Variants in FAT1 observed in about 807,000 individuals in gnomAD.
The protein encoded by FAT1 is FAT atypical cadherin 1.
Under a neutral mutation model 329.8 loss-of-function variants are expected in FAT1, and 171 were observed. The ratio of observed to expected loss-of-function variants is 0.52; its 90% CI spans 0.46 to 0.59. FAT1 has a LOEUF of 0.59. Ranked by LOEUF, FAT1 falls within the 20% of genes least tolerant of loss-of-function variation. The probability of loss-of-function intolerance (pLI) is 0.00; values close to 1 mark genes in which losing one functional copy is unlikely to be tolerated. For missense variants in FAT1, 5,672 were observed against 5,774.4 expected (o/e 0.98, Z 0.57); for synonymous variants, 2,233 against 2,228.6 (o/e 1.00, Z -0.06).
In FAT1 at chr4:186,601,458, G is replaced by T. The variant is rs765166261; in HGVS notation, c.11483-32C>A. Reference sequence around the variant, plus strand: ...ATCACACAGAGGAAAAAATAAACCAGAACCAAGTTTAAGCATATTTTTTAA... The same window carrying T: ...ATCACACAGAGGAAAAAATAAACCATAACCAAGTTTAAGCATATTTTTTAA... On this transcript the variant is annotated intron_variant, in intron 20 of 26. Coordinates refer to ENST00000441802, the MANE Select transcript of FAT1 (RefSeq NM_005245.4). 1.5e-5 allele frequency: 23 copies of T among 1,584,360 alleles called. No individual in the cohort carries two copies. In the South Asian group the frequency reaches 2.6e-4, roughly 18 times the overall value.
rs781285009 is a variant in FAT1 at position 186,614,283 on chromosome 4, G to A, written c.9137C>T (p.Ser3046Phe). The change falls in exon 12 of 27, where the codon TCT becomes TTT. Residue 3046 changes from serine (S) to phenylalanine (F), a missense_variant. By Grantham distance (155) the Ser-to-Phe change is radical. Transcript: ENST00000441802. ...AGAGCGGATGTCTGCGTCTGTAGCA[G>A]AGATCTGCATGATCAATTTTCCAGG... ...VLPGKLIMQI[S>F]ATDADIRSNA... 5.6e-6 allele frequency: 9 copies of A among 1,600,014 alleles called. No individual in the cohort carries two copies. The highest frequency in any genetic ancestry group is 1.8e-5 in the Admixed American group (1 of 56,478).
At chr4:186,684,025 A>G (rs974631352) in intron 2 of FAT1, among the ~76,000 whole-genome samples, 1 of 152,194 alleles carries the variant, frequency 6.6e-6, no homozygotes, top group African/African-American at 2.4e-5. Flanking sequence ...CAGGCATTAC[A>G]TAATTCACTT....
upstream of FAT1, among the ~76,000 whole-genome samples, chr4:186,725,437 A>G (rs143458030): frequency 2.0e-5 from 3 of 152,160 alleles, no homozygotes; most frequent in East Asian, 5.8e-4. This position sits in a 1 kb window ranked among gnomAD's most constrained non-coding sequence, Gnocchi z 5.4. Context: ...ATTCCTGGAG[A>G]AGATTACCAT....
At position 186,588,075 on chromosome 4, in the gene FAT1, C is replaced by T. The variant is rs1738039267; in HGVS notation, c.*517G>A. 1 of 219,446 alleles carries T rather than the reference C, an allele frequency of 4.6e-6. No individual in the cohort carries two copies. The highest frequency in any genetic ancestry group is 9.1e-6 in the Non-Finnish European group (1 of 109,492). 13.6% of individuals were successfully genotyped at this position (219,446 alleles called of 1,614,324 possible). On this transcript the variant is annotated 3_prime_UTR_variant, in exon 27 of 27. Coordinates refer to ENST00000441802, the MANE Select transcript of FAT1 (RefSeq NM_005245.4). Reference sequence around the variant, plus strand: ...AAATGAATGACTACACTGAAATGTACTAACAAAATGTCACACTTCAGTGGA... The same window carrying T: ...AAATGAATGACTACACTGAAATGTATTAACAAAATGTCACACTTCAGTGGA...
intron 26 of FAT1, among the ~76,000 whole-genome samples, chr4:186,592,226 T>G (rs935306481): frequency 1.3e-5 from 2 of 152,216 alleles, no homozygotes; most frequent in South Asian, 4.1e-4. Context: ...ATTAAATAAT[T>G]TTCACTAAAC....
intron 11 of FAT1, among the ~76,000 whole-genome samples, chr4:186,616,494 CT>C (rs1305552143): frequency 6.6e-6 from 1 of 152,146 alleles, no homozygotes; most frequent in African/African-American, 2.4e-5. Flanking sequence ...GGGACCACCC[CT>C]GCTCGAGCCA....
intron 3 of FAT1, among the ~76,000 whole-genome samples, chr4:186,651,146 T>TTAA (rs201384756): frequency 0.39 from 57,744 of 147,898 alleles, 11,472 homozygotes; most frequent in Middle Eastern, 0.5. Flanking sequence ...AATTTATTTA[T>TTAA]TAATAATAAA....
At chr4:186,610,712 TATATAATTTATATAA>T (rs1739403369) in intron 14 of FAT1, among the ~76,000 whole-genome samples, 1 of 133,148 alleles carries the variant, frequency 7.5e-6, no homozygotes, top group Admixed American at 7.7e-5. Context: ...AATATAAATT[TATATAATTTATATAA>T]ATATAAATTT....
intron 3 of FAT1, among the ~76,000 whole-genome samples, chr4:186,646,726 GAAA>G (rs34078009): frequency 0.04 from 5,863 of 147,620 alleles, 417 homozygotes; most frequent in African/African-American, 0.14. Context: ...AACCTACATA[GAAA>G]AAAAAAAAAA....
Position 186,621,160 on chromosome 4 carries a change from T to C in FAT1, c.5426A>G (p.Tyr1809Cys), listed in dbSNP as rs375886190. The C allele has an allele frequency of 1.9e-6, 3 of 1,613,860 alleles. No homozygotes were observed. Among genetic ancestry groups the C allele is most frequent in the African/African-American group, 2.7e-5 (2 of 74,952 alleles). ...GTGTACAGATGGTTCAACAATGTGATATACAAGCAAAGCATTTGAGTCTTT... is the reference window on the plus strand; with the variant it reads ...GTGTACAGATGGTTCAACAATGTGACATACAAGCAAAGCATTTGAGTCTTT... The part of the protein sequence containing the change: ...ADKDSNALLV[Y>C]HIVEPSVHTY... The change falls in exon 10 of 27, where the codon TAT (tyrosine) becomes TGT (cysteine). Residue 1809 changes from tyrosine (Y) to cysteine (C), a missense_variant. Tyr to Cys is a radical substitution (Grantham distance 194). This residue lies in a region of FAT1 where 3,966 missense variants were observed against 3,915.2 expected (regional missense o/e 1.01). Coordinates refer to ENST00000441802, the MANE Select transcript of FAT1 (RefSeq NM_005245.4).
At chr4:186,655,519 C>G (rs1381194019) in intron 3 of FAT1, among the ~76,000 whole-genome samples, 1 of 151,758 alleles carries the variant, frequency 6.6e-6, no homozygotes, top group African/African-American at 2.4e-5. Context: ...GCTGCAACCT[C>G]TGCCTCCTGG....
Position 186,628,511 on chromosome 4 carries a change from G to A in FAT1, c.4576C>T (p.His1526Tyr), listed in dbSNP as rs2126544099. 6.2e-7 allele frequency: 1 copy of A among 1,614,056 alleles called. No homozygotes were observed. Among genetic ancestry groups the A allele is most frequent in the African/African-American group, 1.3e-5 (1 of 75,052 alleles). Residue 1526 changes from histidine to tyrosine, a missense_variant, in exon 8 of 27, where the codon CAC (histidine) becomes TAC (tyrosine). His to Tyr is a moderately conservative substitution (Grantham distance 83). Around this residue, in one of 2 missense-constraint regions of FAT1, gnomAD observed 3,966 missense variants for 3,915.2 expected, o/e 1.01. Transcript: ENST00000441802. ...TSEKLDHEAVHQHTLTVMVRD... is the reference protein window; with the variant it reads ...TSEKLDHEAVYQHTLTVMVRD... ...ACCATGACCGTGAGGGTGTGCTGGT[G>A]AACAGCTTCATGATCCAGTTTCTCA...
At chr4:186,694,135 G>C (rs1226399993) in intron 2 of FAT1, among the ~76,000 whole-genome samples, 1 of 151,700 alleles carries the variant, frequency 6.6e-6, no homozygotes, top group Non-Finnish European at 1.5e-5. Context: ...GACTCAACCT[G>C]CCTCTCATCT....
chr4:186,615,862 C>T (rs949852544), intron 11 of FAT1, among the ~76,000 whole-genome samples: 1 of 152,186 alleles, frequency 6.6e-6, no homozygotes, highest in Non-Finnish European at 1.5e-5. Context: ...TAATACCCAT[C>T]CAACATCTCG....
At chr4:186,684,760 C>T (rs1206129252) in intron 2 of FAT1, among the ~76,000 whole-genome samples, 8 of 152,012 alleles carry the variant, frequency 5.3e-5, no homozygotes, top group African/African-American at 1.7e-4. Flanking sequence ...AACAGGGTAA[C>T]AATTGTTTTA....
chr4:186,652,721 C>T (rs777092321), intron 3 of FAT1, among the ~76,000 whole-genome samples: 2 of 152,128 alleles, frequency 1.3e-5, no homozygotes. Flanking sequence ...CCGGAAACCC[C>T]TGGAAGTTGT....
intron 3 of FAT1, 149 bp downstream of exon 3, chr4:186,663,150 T>A: frequency 1.3e-6 from 1 of 745,452 alleles, no homozygotes; most frequent in Non-Finnish European, 2.1e-6. Context: ...TAAATTTTTA[T>A]CCAAAATAAA....
rs2126518097 is a variant in FAT1 at position 186,620,687 on chromosome 4, T to C, written c.5899A>G (p.Ile1967Val). The C allele has an allele frequency of 1.9e-6, 3 of 1,614,026 alleles. No homozygotes were observed. Among genetic ancestry groups the C allele is most frequent in the Non-Finnish European group, 2.5e-6 (3 of 1,179,880 alleles). The change falls in exon 10 of 27, where the codon ATT becomes GTT. Residue 1967 changes from isoleucine to valine, a missense_variant. Coordinates refer to ENST00000441802, the MANE Select transcript of FAT1 (RefSeq NM_005245.4). ...GRFAGLTSVK[I>V]NVKESKESHL... ...CTTTCTTTGCTTTCTTTCACATTAA[T>C]TTTGACAGAGGTAAGGCCGGCAAAT...
intron 1 of FAT1, among the ~76,000 whole-genome samples, chr4:186,717,242 T>G (rs1049551428): frequency 6.6e-6 from 1 of 152,236 alleles, no homozygotes; most frequent in African/African-American, 2.4e-5. Context: ...GAAATACTAA[T>G]GAGTAGATCC....
Sources: gnomAD v4.1 joint callset for allele counts (sites outside exome capture counted in the v4.1 genomes callset) on GRCh38, gnomAD v4.1.1 for gene constraint, gnomAD v4.1.1 regional missense constraint, Gnocchi (gnomAD v3.1) non-coding constraint, MANE v1.5 for transcripts, NCBI Gene and HGNC (gene_info 2026-07-23, HGNC 2026-07-21) for gene names.